The following C2orf68 variants were observed in gnomAD, a reference collection of about 807,000 sequenced individuals.
The protein encoded by C2orf68 is UPF0561 protein C2orf68.
In C2orf68, 15 loss-of-function variants were observed where a neutral mutation model predicts 19.1. The ratio of observed to expected loss-of-function variants is 0.79; its 90% CI spans 0.53 to 1.21. C2orf68 has a LOEUF of 1.21. Ranked by LOEUF, C2orf68 falls within the 50% of genes most tolerant of loss-of-function variation. The pLI is 0.00. For synonymous variants in C2orf68, 98 were observed against 91.0 expected, an observed-to-expected ratio of 1.08 and a Z score of -0.44; for missense variants, 242 against 226.6, an observed-to-expected ratio of 1.07 and a Z score of -0.44.
chr2:85,608,991 TTGAGGGCTTCTCGCATGGG>T lies in C2orf68; in HGVS notation c.436_454del (p.Pro146SerfsTer48). 6.2e-7 allele frequency: 1 copy of T among 1,614,252 alleles called. No homozygotes were observed. ...TGCAATCTCCTCCTGGATACGCAACTTGAGGGCTTCTCGCATGGGTGGATCCAGAGGCGTGTGTGCCGAC... is the reference window on the plus strand; with the variant it reads ...TGCAATCTCCTCCTGGATACGCAACTTGGATCCAGAGGCGTGTGTGCCGAC... On this transcript the variant is annotated frameshift_variant, in exon 4 of 4. Transcript: ENST00000306336. LOFTEE classifies it high-confidence loss of function.
intron 2 of C2orf68, chr2:85,610,315 C>G (rs554281759): frequency 6.6e-6 from 1 of 152,348 alleles, no homozygotes; most frequent in East Asian, 1.9e-4. Context: ...GCGCCCGGAC[C>G]AGTGTAAGCA....
rs957975075 is a variant in C2orf68, at chr2:85,607,239, A to C, written c.*1706T>G. 1.9e-4 allele frequency: 29 copies of C among 152,230 alleles called. No individual in the cohort carries two copies. Among genetic ancestry groups the C allele is most frequent in the Admixed American group, 9.2e-4 (14 of 15,280 alleles). The allele number at this position is 152,230 out of a possible 1,614,324, so 9.4% of individuals were successfully genotyped here. On this transcript the variant is annotated 3_prime_UTR_variant, in exon 4 of 4. Coordinates refer to ENST00000306336, the MANE Select transcript of C2orf68 (RefSeq NM_001013649.4). ...ATCCTATGTTCCAAGTCATCAGATC[A>C]GTTTAAGGACTAGAAGACTAGAATG...
At chr2:85,611,848 TGGCGGC>T in intron 1 of C2orf68, 24 bp downstream of exon 1, 1 of 1,599,750 alleles carries the variant, frequency 6.3e-7, no homozygotes, top group East Asian at 2.2e-5. Context: ...CCAGGAGTGG[TGGCGGC>T]GGCGGCGCAG....
intron 2 of C2orf68, 38 bp from the exon 3 acceptor site, chr2:85,609,624 GT>G: frequency 6.2e-7 from 1 of 1,612,084 alleles, no homozygotes; most frequent in Non-Finnish European, 8.5e-7. Flanking sequence ...AAGAGGGGGG[GT>G]GCTGCTGAAG....
rs1673211734 is a variant in C2orf68 at position 85,606,292 on chromosome 2, G to A, written c.*2653C>T. 6.6e-6 allele frequency among the ~76,000 whole-genome samples: 1 copy of A among 152,220 alleles called. No individual in the cohort carries two copies. Among genetic ancestry groups the A allele is most frequent in the Admixed American group, 6.5e-5 (1 of 15,270 alleles). On this transcript the variant is annotated 3_prime_UTR_variant, in exon 4 of 4. Coordinates refer to ENST00000306336, the MANE Select transcript of C2orf68 (RefSeq NM_001013649.4). ...GTTGCCACTGTACGCCACAGCACCG[G>A]ACAGTGTTCTTTGGGACATCTCTGG...
chr2:85,611,347 G>A (rs1430811740), intron 2 of C2orf68: 3 of 1,438,772 alleles, frequency 2.1e-6, no homozygotes, highest in Non-Finnish European at 2.7e-6. Flanking sequence ...TGTGCTGGTC[G>A]CTCATCGCTG....
Position 85,606,436 on chromosome 2 carries a change from G to A in C2orf68, c.*2509C>T, listed in dbSNP as rs1376734221. ...CTGCCTTGGACCCCAGCTGAGGGGTGGCAGTAAGCAATGAGGATGGGCTAT... is the reference window on the plus strand; with the variant it reads ...CTGCCTTGGACCCCAGCTGAGGGGTAGCAGTAAGCAATGAGGATGGGCTAT... On this transcript the variant is annotated 3_prime_UTR_variant, in exon 4 of 4. Transcript: ENST00000306336. Among the ~76,000 whole-genome samples the A allele has an allele frequency of 6.6e-6, 1 of 152,190 alleles. No homozygotes were observed. Among genetic ancestry groups the A allele is most frequent in the African/African-American group, 2.4e-5 (1 of 41,438 alleles).
At position 85,608,411 on chromosome 2, in the gene C2orf68, T is replaced by A. The variant is rs1466952878; in HGVS notation, c.*534A>T. 1.3e-5 allele frequency: 2 copies of A among 151,452 alleles called. No individual in the cohort carries two copies. Among genetic ancestry groups the A allele is most frequent in the Non-Finnish European group, 2.9e-5 (2 of 67,966 alleles). 9.4% of individuals were successfully genotyped at this position (151,452 alleles called of 1,614,324 possible). ...CTCCAAAGTCCTGAGCAGCTGGAGG[T>A]ACACAGTCATTTGGAGGGGGAGGAA... is the stretch of plus-strand genomic sequence containing the variant. On this transcript the variant is annotated 3_prime_UTR_variant, in exon 4 of 4. Transcript: ENST00000306336.
In C2orf68 at chr2:85,611,714, C is replaced by G. The variant is rs763438159; in HGVS notation, c.180G>C (p.Thr60=). 3.8e-6 allele frequency: 6 copies of G among 1,596,534 alleles called. No individual in the cohort carries two copies. The East Asian group carries it at 6.8e-5, about 18-fold the overall frequency. ...CCTGCAGGTCTGGCTTGCGGGGCCG[C>G]GTCGGCGCGGGCGTGTGCCGCCTCC... ...KVRRRHTPAP[T]RPRKPDLQVY... is the part of the protein sequence containing the mutation. The change falls in exon 2 of 4, where the codon ACG becomes ACC. Residue 60 remains threonine, a synonymous_variant. Coordinates refer to ENST00000306336, the MANE Select transcript of C2orf68 (RefSeq NM_001013649.4).
intron 2 of C2orf68, chr2:85,610,577 G>C (rs1673443769): frequency 6.6e-6 from 1 of 152,056 alleles, no homozygotes; most frequent in Non-Finnish European, 1.5e-5. Flanking sequence ...TTCTTATGAG[G>C]TTGTATAAAG....
Position 85,609,520 on chromosome 2 carries a change from G to C in C2orf68, c.293C>G (p.Ser98Cys), listed in dbSNP as rs749723585. The C allele has an allele frequency of 1.2e-6, 2 of 1,614,218 alleles. No homozygotes were observed. Among genetic ancestry groups the C allele is most frequent in the Admixed American group, 3.3e-5 (2 of 60,026 alleles). The change falls in exon 3 of 4, where the codon TCT becomes TGT. Residue 98 changes from serine (S) to cysteine (C), a missense_variant. Transcript: ENST00000306336. ...CTGATGGCCAGAAGGCTCCAGCTCA[G>C]AGCCTCCACTACTGCTGCTTTCACC... is the stretch of plus-strand genomic sequence containing the variant. ...ESGESSSSGG[S>C]ELEPSGHQLF...
chr2:85,608,942 T>C lies in C2orf68; in HGVS notation c.*3A>G, dbSNP rs769397836. ...CAGCCTGGAGAGAACGCCTTCAACA[T>C]GGTCAGTGTTGGCTCTGGCGCTTTG... On this transcript the variant is annotated 3_prime_UTR_variant, in exon 4 of 4. Coordinates refer to ENST00000306336, the MANE Select transcript of C2orf68 (RefSeq NM_001013649.4). 3.1e-6 allele frequency: 5 copies of C among 1,614,114 alleles called. No homozygotes were observed. Among genetic ancestry groups the C allele is most frequent in the Admixed American group, 1.7e-5 (1 of 60,024 alleles).
chr2:85,611,113 G>A (rs1673491326), intron 2 of C2orf68: 1 of 318,348 alleles, frequency 3.1e-6, no homozygotes, highest in Non-Finnish European at 4.8e-6. Context: ...GGTGGCACAC[G>A]CCTGTGGTCC....
chr2:85,609,261 T>C (rs2104146426), intron 3 of C2orf68, among the ~76,000 whole-genome samples, 174 bp downstream of exon 3: 1 of 152,324 alleles, frequency 6.6e-6, no homozygotes, highest in Middle Eastern at 3.4e-3. Context: ...CTACTGAGAA[T>C]CACTGTGAGA....
rs758590518 is a variant in C2orf68, at chr2:85,608,989, A to G, written c.457T>C (p.Leu153=). 1 of 1,614,248 alleles carries G rather than the reference A, an allele frequency of 6.2e-7. No homozygotes were observed. The highest frequency in any genetic ancestry group is 2.2e-5 in the East Asian group (1 of 44,886). Residue 153 remains leucine (L), a synonymous_variant, in exon 4 of 4, where the codon TTG becomes CTG. Coordinates refer to ENST00000306336, the MANE Select transcript of C2orf68 (RefSeq NM_001013649.4). ...TTTGCAATCTCCTCCTGGATACGCA[A>G]CTTGAGGGCTTCTCGCATGGGTGGA... ...LDPPMREALK[L]RIQEEIAKRQ... is the part of the protein sequence containing the mutation.
rs1323823270 is a variant in C2orf68, at chr2:85,607,103, T to C, written c.*1842A>G. Reference sequence around the variant, plus strand: ...ATTTTCAGGTGCCAAGCCCCCAAACTCCTCTTCTAGCCTTCTGAATTGTGT... The same window carrying C: ...ATTTTCAGGTGCCAAGCCCCCAAACCCCTCTTCTAGCCTTCTGAATTGTGT... On this transcript the variant is annotated 3_prime_UTR_variant, in exon 4 of 4. Coordinates refer to ENST00000306336, the MANE Select transcript of C2orf68 (RefSeq NM_001013649.4). 1.3e-5 allele frequency: 2 copies of C among 152,254 alleles called. No homozygotes were observed. Among genetic ancestry groups the C allele is most frequent in the East Asian group, 3.9e-4 (2 of 5,184 alleles). The allele number at this position is 152,254 out of a possible 1,614,324, so 9.4% of individuals were successfully genotyped here.
rs545756346 is a variant in C2orf68, at chr2:85,611,958, C to T, written c.27G>A (p.Pro9=). 2.0e-5 allele frequency: 31 copies of T among 1,556,216 alleles called. No individual in the cohort carries two copies. Among genetic ancestry groups the T allele is most frequent in the South Asian group, 1.6e-4 (14 of 86,312 alleles). ...GCCCCCCAGGCTTGCAGCAGTGCCC[C>T]GGCCGGGGATGCGGCCCCGCCTCCA... MEAGPHPR[P]GHCCKPGGRL... is the part of the protein sequence containing the mutation. The change falls in exon 1 of 4, where the codon CCG becomes CCA. Residue 9 remains proline, a synonymous_variant. Transcript: ENST00000306336.
At chr2:85,611,568 C>G (rs760122974) in intron 2 of C2orf68, 100 bp downstream of exon 2, 138 of 1,551,006 alleles carry the variant, frequency 8.9e-5, no homozygotes, top group Admixed American at 3.5e-4. Flanking sequence ...ACGAGATGAG[C>G]TGAACCTTAG....
rs1255385804 is a variant in C2orf68 at position 85,612,025 on chromosome 2, CCAA to C, written c.-44_-42del. 5.9e-6 allele frequency: 8 copies of C among 1,362,884 alleles called. No homozygotes were observed. In the East Asian group the frequency reaches 7.6e-5, roughly 13 times the overall value. 84.4% of individuals were successfully genotyped at this position (1,362,884 alleles called of 1,614,324 possible). On this transcript the variant is annotated 5_prime_UTR_variant, in exon 1 of 4. Transcript: ENST00000306336. ...CAGAGTCGCCGCCGCCTCGACGGCCCCAACAACAGCCACCCGCCCACAGAGCTC... is the reference window on the plus strand; with the variant it reads ...CAGAGTCGCCGCCGCCTCGACGGCCCCAACAGCCACCCGCCCACAGAGCTC...
Sources: allele counts gnomAD v4.1 joint callset (sites outside exome capture counted in the v4.1 genomes callset), GRCh38; gene constraint gnomAD v4.1.1; transcripts MANE v1.5; gene names NCBI Gene and HGNC (gene_info 2026-07-23, HGNC 2026-07-21).